The following NRG1 variants were observed in gnomAD, a reference collection of about 807,000 sequenced individuals.
The protein encoded by NRG1 is neuregulin 1.
A neutral mutation model predicts 63.8 loss-of-function variants in NRG1; 18 were observed. The ratio of observed to expected loss-of-function variants is 0.28; its 90% CI spans 0.19 to 0.42. The LOEUF is 0.42. Ranked by LOEUF, NRG1 falls within the 10% of genes least tolerant of loss-of-function variation. The pLI is 1.00. For missense variants in NRG1, 762 were observed against 814.7 expected, an observed-to-expected ratio of 0.94 and a Z score of 0.79; for synonymous variants, 302 against 301.3, an observed-to-expected ratio of 1.00 and a Z score of -0.02.
rs146224385 is a variant in NRG1, at chr8:32,199,968, A to G, written c.38-395860A>G. ...CTAATTTTGTATTTTTTGTAGATAC[A>G]GGATTTCACCATGTTGGCCAGGCTG... is the stretch of plus-strand genomic sequence containing the variant. On this transcript the variant is annotated intron_variant, in intron 1 of 10. Coordinates refer to the NRG1 transcript ENST00000519301. Among the ~76,000 whole-genome samples, 171 of 152,198 alleles carry G rather than the reference A, an allele frequency of 1.1e-3. 3 individuals are homozygous for G. The South Asian group carries it at 0.019, about 17-fold the overall frequency.
At chr8:31,912,122 T>C (rs138930521) in intron 1 of NRG1, among the ~76,000 whole-genome samples, 1 of 152,220 alleles carries the variant, frequency 6.6e-6, no homozygotes, top group Non-Finnish European at 1.5e-5. Context: ...TAATGATACC[T>C]TATTTTTATT....
intron 1 of NRG1, among the ~76,000 whole-genome samples, chr8:31,981,130 ACTTTGGCCACATACCAT>A (rs1207366715): frequency 6.6e-6 from 1 of 151,998 alleles, no homozygotes; most frequent in Non-Finnish European, 1.5e-5. Flanking sequence ...TGAGTATGGG[ACTTTGGCCACATACCAT>A]ACCTGTGCCC....
intron 1 of NRG1, among the ~76,000 whole-genome samples, chr8:31,723,302 C>T (rs1563329743): frequency 6.6e-6 from 1 of 152,070 alleles, no homozygotes; most frequent in African/African-American, 2.4e-5. Flanking sequence ...CAGAGGACAC[C>T]TAGCAATGGC....
At chr8:32,422,861 G>C (rs73675185) in intron 1 of NRG1, among the ~76,000 whole-genome samples, 3,875 of 152,328 alleles carry the variant, frequency 0.025, 170 homozygotes, top group African/African-American at 0.087. Flanking sequence ...TCAGCACACT[G>C]TTTGAATCTG....
At chr8:32,564,363 T>G (rs905930100) in intron 1 of NRG1, among the ~76,000 whole-genome samples, 1 of 152,156 alleles carries the variant, frequency 6.6e-6, no homozygotes, top group Non-Finnish European at 1.5e-5. Flanking sequence ...CAATCCCACT[T>G]TTTTTTCTCT....
chr8:32,477,943 T>C (rs1824735106), intron 1 of NRG1, among the ~76,000 whole-genome samples: 1 of 152,238 alleles, frequency 6.6e-6, no homozygotes, highest in African/African-American at 2.4e-5. Flanking sequence ...CTTAGCTTTC[T>C]GGGCTATCTT....
rs559587018 is a variant in NRG1 at position 31,704,692 on chromosome 8, C to T, written c.37+65261C>T. 4.4e-3 allele frequency among the ~76,000 whole-genome samples: 669 copies of T among 151,814 alleles called. 5 individuals are homozygous for T. Among genetic ancestry groups the T allele is most frequent in the African/African-American group, 0.015 (617 of 41,446 alleles). ...CTAAAAATACAAAAAATTAGCCAGGCGTGGTGGCGGGCGCCTGTAGTCCCA... is the reference window on the plus strand; with the variant it reads ...CTAAAAATACAAAAAATTAGCCAGGTGTGGTGGCGGGCGCCTGTAGTCCCA... On this transcript the variant is annotated intron_variant, in intron 1 of 10. Coordinates refer to the NRG1 transcript ENST00000519301.
rs145132413 is a variant in NRG1 at position 32,043,910 on chromosome 8, C to A, written c.37+404479C>A. ...AGGAATAAAAATCAGAAACAACCAGCAGAAAACAAATAATGAAATGGTAGA... is the reference window on the plus strand; with the variant it reads ...AGGAATAAAAATCAGAAACAACCAGAAGAAAACAAATAATGAAATGGTAGA... On this transcript the variant is annotated intron_variant, in intron 1 of 10. Coordinates refer to the NRG1 transcript ENST00000519301. Among the ~76,000 whole-genome samples the A allele has an allele frequency of 8.3e-3, 1,256 of 151,726 alleles. 19 individuals carry two copies. Among genetic ancestry groups the A allele is most frequent in the African/African-American group, 0.029 (1,196 of 41,458 alleles).
At chr8:32,166,906 T>C (rs1241361392) in intron 1 of NRG1, among the ~76,000 whole-genome samples, 1 of 152,182 alleles carries the variant, frequency 6.6e-6, no homozygotes, top group African/African-American at 2.4e-5. Context: ...CATGGACTGT[T>C]TATGGAAGAA....
intron 1 of NRG1, among the ~76,000 whole-genome samples, chr8:32,252,752 G>A (rs541991477): frequency 2.0e-5 from 3 of 152,274 alleles, no homozygotes; most frequent in African/African-American, 7.2e-5. Context: ...GTAGCTTGAT[G>A]GGGATAGCAT....
chr8:32,094,756 T>C (rs1290394642), intron 1 of NRG1, among the ~76,000 whole-genome samples: 1 of 152,116 alleles, frequency 6.6e-6, no homozygotes, highest in Non-Finnish European at 1.5e-5. Flanking sequence ...ACAAAGTGTT[T>C]CTTTTTTGTC....
chr8:31,821,452 G>A (rs1823999548), intron 1 of NRG1, among the ~76,000 whole-genome samples: 1 of 152,154 alleles, frequency 6.6e-6, no homozygotes, highest in South Asian at 2.1e-4. Context: ...AGCAATCCCA[G>A]AATAGTTCTA....
intron 1 of NRG1, among the ~76,000 whole-genome samples, chr8:32,319,888 A>G (rs1423742735): frequency 1.3e-5 from 2 of 152,176 alleles, no homozygotes; most frequent in South Asian, 4.1e-4. Flanking sequence ...AAATATTAAT[A>G]TAATGCTAAT....
chr8:31,990,813 A>G (rs1260318729), intron 1 of NRG1, among the ~76,000 whole-genome samples: 2 of 152,090 alleles, frequency 1.3e-5, no homozygotes, highest in African/African-American at 2.4e-5. Context: ...GGATTGTCCC[A>G]TCTTCCAGTC....
intron 1 of NRG1, among the ~76,000 whole-genome samples, chr8:32,097,382 A>G (rs1344857565): frequency 6.6e-6 from 1 of 152,160 alleles, no homozygotes; most frequent in African/African-American, 2.4e-5. Flanking sequence ...GCTGGATCAT[A>G]TGGTAGTTCT....
chr8:32,463,881 T>C (rs1323649104), intron 1 of NRG1, among the ~76,000 whole-genome samples: 2 of 21,534 alleles, frequency 9.3e-5, no homozygotes, highest in Non-Finnish European at 1.8e-4. Flanking sequence ...ATTCTTTTTT[T>C]TTTTTTTTTT....
At chr8:32,615,496 T>C (rs930831226) in intron 4 of NRG1, among the ~76,000 whole-genome samples, 8 of 152,096 alleles carry the variant, frequency 5.3e-5, no homozygotes, top group African/African-American at 1.7e-4. Flanking sequence ...ATTAGAAATG[T>C]TAAGTCATAT....
chr8:32,207,255 T>C (rs1844165067), intron 1 of NRG1, among the ~76,000 whole-genome samples: 1 of 152,158 alleles, frequency 6.6e-6, no homozygotes, highest in South Asian at 2.1e-4. Flanking sequence ...ATTATCTTTT[T>C]TTTTAATGAC....
chr8:32,246,848 A>G (rs1174972602), intron 1 of NRG1, among the ~76,000 whole-genome samples: 2 of 152,000 alleles, frequency 1.3e-5, no homozygotes, highest in South Asian at 2.1e-4. Context: ...CAAAGGCTAT[A>G]AAATCTTTAT....
Sources: allele counts gnomAD v4.1 joint callset (sites outside exome capture counted in the v4.1 genomes callset), GRCh38; gene constraint gnomAD v4.1.1; transcripts MANE v1.5; gene names NCBI Gene and HGNC (gene_info 2026-07-23, HGNC 2026-07-21).